The following NDST3 variants were observed in gnomAD, a reference collection of about 807,000 sequenced individuals.
NDST3 encodes the protein N-deacetylase and N-sulfotransferase 3.
Under a neutral mutation model 96.1 loss-of-function variants are expected in NDST3, and 58 were observed. The observed-to-expected ratio is 0.60, with a 90% confidence interval of 0.49 to 0.75. The LOEUF is 0.75. Ranked by LOEUF, NDST3 falls within the 30% of genes least tolerant of loss-of-function variation. NDST3 has a pLI of 0.00. For missense variants in NDST3, 788 were observed against 1,034.2 expected (o/e 0.76, Z 3.27); for synonymous variants, 333 against 359.7 (o/e 0.93, Z 0.84).
At chr4:118,058,419 C>A (rs1161145523) in intron 2 of NDST3, among the ~76,000 whole-genome samples, 1 of 92,782 alleles carries the variant, frequency 1.1e-5, no homozygotes, top group Non-Finnish European at 2.3e-5. Context: ...ATTCTTTGTG[C>A]CACAAAAAGA....
intron 1 of NDST3, among the ~76,000 whole-genome samples, chr4:118,035,244 A>C (rs1578515824): frequency 1.3e-5 from 2 of 152,248 alleles, no homozygotes; most frequent in East Asian, 3.9e-4. Flanking sequence ...AGAGTTATTT[A>C]ATGTCGAAAA....
intron 1 of NDST3, among the ~76,000 whole-genome samples, chr4:118,035,151 A>G (rs1385122066): frequency 6.6e-6 from 1 of 152,282 alleles, no homozygotes; most frequent in South Asian, 2.1e-4. Context: ...GGGGGCAGGT[A>G]AAAGCAAAGT....
At chr4:118,077,983 T>C (rs1051241220) in intron 2 of NDST3, among the ~76,000 whole-genome samples, 58 of 152,164 alleles carry the variant, frequency 3.8e-4, no homozygotes, top group African/African-American at 1.2e-3. Context: ...CCCCTTGGAC[T>C]CAAGAGTTGC....
chr4:118,058,376 C>A (rs982869144), intron 2 of NDST3, among the ~76,000 whole-genome samples: 12 of 130,882 alleles, frequency 9.2e-5, no homozygotes, highest in Non-Finnish European at 1.7e-4. Flanking sequence ...CTCAAAGCCA[C>A]AGAAGAAACT....
At chr4:118,214,727 T>C (rs564161710) in intron 6 of NDST3, among the ~76,000 whole-genome samples, 11 of 152,150 alleles carry the variant, frequency 7.2e-5, no homozygotes, top group Non-Finnish European at 1.2e-4. Flanking sequence ...AGAGGATCCG[T>C]TGGAGTTATA....
At chr4:118,079,129 A>T (rs979425302) in intron 2 of NDST3, among the ~76,000 whole-genome samples, 10 of 152,348 alleles carry the variant, frequency 6.6e-5, no homozygotes, top group Admixed American at 5.9e-4. Context: ...ACTATGTGCC[A>T]GGCATTGTTC....
At chr4:118,220,921 T>C (rs1245865386) in intron 6 of NDST3, among the ~76,000 whole-genome samples, 1 of 152,052 alleles carries the variant, frequency 6.6e-6, no homozygotes, top group Admixed American at 6.6e-5. Flanking sequence ...CTTTCCTATA[T>C]GAATAAAATA....
intron 6 of NDST3, among the ~76,000 whole-genome samples, chr4:118,148,255 G>A (rs533510173): frequency 5.5e-4 from 84 of 152,232 alleles, no homozygotes; most frequent in Non-Finnish European, 1.9e-4. Flanking sequence ...CCAAGATCAC[G>A]CCACTGCACT....
chr4:118,073,302 A>G (rs1370324497), intron 2 of NDST3, among the ~76,000 whole-genome samples: 4 of 152,026 alleles, frequency 2.6e-5, no homozygotes, highest in Non-Finnish European at 5.9e-5. Context: ...GAATGGTACC[A>G]GTTCTTCTTT....
chr4:118,122,586 C>G (rs1011111674), intron 4 of NDST3, among the ~76,000 whole-genome samples: 3 of 152,134 alleles, frequency 2.0e-5, no homozygotes, highest in Non-Finnish European at 4.4e-5. Context: ...ATTGCAGCAG[C>G]CTCCAAACCA....
chr4:118,166,009 A>AT (rs968800933), intron 6 of NDST3, among the ~76,000 whole-genome samples: 2 of 151,830 alleles, frequency 1.3e-5, no homozygotes, highest in African/African-American at 4.8e-5. Context: ...GAAACTCAAG[A>AT]AACTAGAAAA....
intron 2 of NDST3, among the ~76,000 whole-genome samples, chr4:118,079,537 G>C (rs1727845122): frequency 6.6e-6 from 1 of 152,170 alleles, no homozygotes; most frequent in South Asian, 2.1e-4. Flanking sequence ...AGTGTGCGTG[G>C]AGCACAGTGA....
intron 6 of NDST3, among the ~76,000 whole-genome samples, chr4:118,160,681 A>T (rs1026069675): frequency 2.6e-5 from 4 of 152,166 alleles, no homozygotes; most frequent in African/African-American, 9.7e-5. Flanking sequence ...AGGCTTCTGC[A>T]TTCTTCACGT....
intron 6 of NDST3, among the ~76,000 whole-genome samples, chr4:118,184,395 T>C (rs1384139734): frequency 6.6e-6 from 1 of 152,024 alleles, no homozygotes; most frequent in Non-Finnish European, 1.5e-5. Flanking sequence ...TTAAAAGCCT[T>C]AATAGAAAAA....
At chr4:118,121,481 G>A (rs1731563335) in intron 4 of NDST3, among the ~76,000 whole-genome samples, 1 of 152,160 alleles carries the variant, frequency 6.6e-6, no homozygotes. Flanking sequence ...CAGAACATTA[G>A]AGAAGGAGTG....
intron 11 of NDST3, among the ~76,000 whole-genome samples, chr4:118,241,255 T>C (rs776484977): frequency 9.9e-5 from 15 of 152,194 alleles, no homozygotes; most frequent in Middle Eastern, 3.4e-3. Flanking sequence ...TAATTTATAT[T>C]AAAATCAAAT....
intron 1 of NDST3, among the ~76,000 whole-genome samples, chr4:118,040,073 T>C (rs1299101468): frequency 2.0e-5 from 3 of 152,024 alleles, no homozygotes; most frequent in Non-Finnish European, 2.9e-5. Context: ...TAAAAGAAGG[T>C]GTTAAGGATG....
intron 6 of NDST3, among the ~76,000 whole-genome samples, chr4:118,162,332 C>T (rs545614260): frequency 1.3e-5 from 2 of 152,296 alleles, no homozygotes; most frequent in South Asian, 2.1e-4. Context: ...AGGCATCACG[C>T]TACCTGACTT....
chr4:118,224,419 T>A (rs1739739854), intron 6 of NDST3, 72 bp from the exon 7 acceptor site: 1 of 1,371,128 alleles, frequency 7.3e-7, no homozygotes, highest in South Asian at 1.6e-5. Flanking sequence ...AAAACTAGCA[T>A]GGCTGTGATT....
Sources: gnomAD v4.1 joint callset for allele counts (sites outside exome capture counted in the v4.1 genomes callset) on GRCh38, gnomAD v4.1.1 for gene constraint, MANE v1.5 for transcripts, NCBI Gene and HGNC (gene_info 2026-07-23, HGNC 2026-07-21) for gene names.